Variants in DMGDH observed in about 807,000 individuals in gnomAD.
The protein encoded by DMGDH is dimethylglycine dehydrogenase.
DMGDH carries 76 observed loss-of-function variants against 95.2 expected under a neutral mutation model. The ratio of observed to expected loss-of-function variants is 0.80; its 90% confidence interval spans 0.66 to 0.97. The LOEUF is 0.97. DMGDH is among the 50% of genes least tolerant of loss of function. DMGDH has a pLI of 0.00. For missense variants in DMGDH, 987 were observed against 1,055.0 expected, an observed-to-expected ratio of 0.94 and a Z score of 0.89; for synonymous variants, 345 against 377.6, an observed-to-expected ratio of 0.91 and a Z score of 1.00.
At chr5:79,047,639 A>G (rs2461249) in intron 5 of DMGDH, among the ~76,000 whole-genome samples, 64,791 of 151,928 alleles carry the variant, frequency 0.43, 15,405 homozygotes, top group East Asian at 0.64. Context: ...GGTAGAGTGA[A>G]GCCAATTTGG....
chr5:79,013,895 C>G (rs1753686564), intron 14 of DMGDH, among the ~76,000 whole-genome samples: 1 of 152,176 alleles, frequency 6.6e-6, no homozygotes, highest in Non-Finnish European at 1.5e-5. Context: ...TGAGAAACCA[C>G]CCCCATGATC....
At chr5:79,026,827 A>G (rs3797537) in intron 12 of DMGDH, among the ~76,000 whole-genome samples, 49,659 of 152,050 alleles carry the variant, frequency 0.33, 8,796 homozygotes, top group African/African-American at 0.47. Context: ...ACCTCTTGTC[A>G]TGACACAGAA....
chr5:79,031,718 T>C (rs562338475), intron 9 of DMGDH, among the ~76,000 whole-genome samples: 1 of 152,392 alleles, frequency 6.6e-6, no homozygotes, highest in Admixed American at 6.5e-5. Context: ...AGTGGACTTC[T>C]AATGTGGTAT....
chr5:79,011,926 G>A (rs1344874836), intron 14 of DMGDH, among the ~76,000 whole-genome samples: 1 of 152,088 alleles, frequency 6.6e-6, no homozygotes, highest in Non-Finnish European at 1.5e-5. Flanking sequence ...GAGATTTGGT[G>A]GGGAAACAGA....
intron 14 of DMGDH, among the ~76,000 whole-genome samples, chr5:79,019,527 T>C (rs1220612678): frequency 6.6e-6 from 1 of 152,090 alleles, no homozygotes; most frequent in Non-Finnish European, 1.5e-5. Context: ...GAAAATCTAA[T>C]TGATTTGGGG....
In DMGDH at chr5:79,055,819, T is replaced by C; in HGVS notation, c.366A>G (p.Glu122=). 4 of 1,602,014 alleles carry C rather than the reference T, an allele frequency of 2.5e-6. No individual in the cohort carries two copies. The highest frequency in any genetic ancestry group is 3.4e-6 in the Non-Finnish European group (4 of 1,168,988). The part of the protein sequence containing the change: ...SIKLYEKLEE[E]TGQVVGFHQP... ...AGTTAAATGCCTTTACCTGACCAGT[T>C]TCTTCTTCCAGTTTCTCATAAAGTT... Residue 122 remains glutamate, a synonymous_variant, in exon 3 of 16, where the codon GAA becomes GAG. Transcript: ENST00000255189.
chr5:79,020,468 T>G (rs1019410439), intron 14 of DMGDH, among the ~76,000 whole-genome samples: 2 of 152,222 alleles, frequency 1.3e-5, no homozygotes, highest in African/African-American at 4.8e-5. Flanking sequence ...ACTTGGATTT[T>G]TTTGTTTTTA....
intron 5 of DMGDH, among the ~76,000 whole-genome samples, chr5:79,048,269 T>G (rs905697732): frequency 8.5e-5 from 13 of 152,174 alleles, no homozygotes; most frequent in African/African-American, 2.9e-4. Context: ...TACAAATAAG[T>G]AACTTACCCA....
At chr5:79,064,208 C>T (rs1420964288) in intron 1 of DMGDH, among the ~76,000 whole-genome samples, 2 of 151,976 alleles carry the variant, frequency 1.3e-5, no homozygotes, top group Non-Finnish European at 2.9e-5. Context: ...CAAAAATTAT[C>T]CAGGCTTGGT....
intron 1 of DMGDH, among the ~76,000 whole-genome samples, chr5:79,066,326 C>T (rs1755379055): frequency 6.6e-6 from 1 of 152,012 alleles, no homozygotes; most frequent in Non-Finnish European, 1.5e-5. Context: ...TGCTCTGTTG[C>T]CCAGGCTGGA....
At chr5:79,021,537 A>G in intron 14 of DMGDH, 1 of 1,284,176 alleles carries the variant, frequency 7.8e-7, no homozygotes, top group Non-Finnish European at 1.0e-6. Flanking sequence ...TTTGTGATGA[A>G]AGAGTTCTTC....
At chr5:79,004,006 T>C (rs1409012937) in intron 15 of DMGDH, among the ~76,000 whole-genome samples, 1 of 151,690 alleles carries the variant, frequency 6.6e-6, no homozygotes, top group Non-Finnish European at 1.5e-5. Flanking sequence ...CAGGGGGACA[T>C]CAACAGAGAC....
chr5:79,034,237 A>G (rs1754276001), intron 7 of DMGDH, among the ~76,000 whole-genome samples: 1 of 152,176 alleles, frequency 6.6e-6, no homozygotes, highest in Non-Finnish European at 1.5e-5. Context: ...AACTTGAGCC[A>G]TTATCTTAGA....
At chr5:79,013,265 G>A (rs1313483988) in intron 14 of DMGDH, among the ~76,000 whole-genome samples, 1 of 152,112 alleles carries the variant, frequency 6.6e-6, no homozygotes, top group African/African-American at 2.4e-5. Flanking sequence ...CCTAGGGCAG[G>A]AGCACAATGC....
At chr5:79,061,430 T>C (rs1350929856) in intron 2 of DMGDH, among the ~76,000 whole-genome samples, 2 of 152,148 alleles carry the variant, frequency 1.3e-5, no homozygotes, top group Non-Finnish European at 2.9e-5. Flanking sequence ...TCACATTGCA[T>C]GGATCCTTAT....
rs775664830 is a variant in DMGDH at position 79,069,657 on chromosome 5, G to A, written c.-37C>T. ...GGCCGAGGGCGCAGGCGCCTGCTCC[G>A]AGGCCAGCGGGCAGCCTGAGGCCGC... is the stretch of plus-strand genomic sequence containing the variant. On this transcript the variant is annotated 5_prime_UTR_variant, in exon 1 of 16. Coordinates refer to ENST00000255189, the MANE Select transcript of DMGDH (RefSeq NM_013391.3). The A allele has an allele frequency of 7.7e-7, 1 of 1,305,514 alleles. No individual in the cohort carries two copies. Among genetic ancestry groups the A allele is most frequent in the South Asian group, 2.4e-5 (1 of 41,398 alleles). 80.9% of individuals were successfully genotyped at this position (1,305,514 alleles called of 1,614,324 possible).
At chr5:79,042,769 T>C (rs248382) in intron 6 of DMGDH, among the ~76,000 whole-genome samples, 801 of 34,058 alleles carry the variant, frequency 0.024, 11 homozygotes, top group African/African-American at 0.074. Context: ...TCCAATCAGT[T>C]TTTTTTAAAA....
At chr5:79,004,787 A>C (rs1257407689) in intron 15 of DMGDH, among the ~76,000 whole-genome samples, 6 of 152,208 alleles carry the variant, frequency 3.9e-5, no homozygotes, top group Non-Finnish European at 8.8e-5. Context: ...TGAAGAACCA[A>C]ATGGTTTCCA....
intron 5 of DMGDH, 92 bp downstream of exon 5, chr5:79,051,195 A>T: frequency 7.3e-7 from 1 of 1,369,138 alleles, no homozygotes; most frequent in African/African-American, 1.4e-5. Flanking sequence ...ACAGTGCTTC[A>T]TGACAATGTC....
Sources: gnomAD v4.1 joint callset for allele counts (sites outside exome capture counted in the v4.1 genomes callset) on GRCh38, gnomAD v4.1.1 for gene constraint, MANE v1.5 for transcripts, NCBI Gene and HGNC (gene_info 2026-07-23, HGNC 2026-07-21) for gene names.